PHF20: variants seen among roughly 807,000 people sequenced by gnomAD.
PHF20 encodes PHD finger protein 20.
A neutral mutation model predicts 113.5 loss-of-function variants in PHF20; 23 were observed. That is an observed-to-expected ratio of 0.20 (90% CI 0.15 to 0.29). The LOEUF (loss-of-function observed/expected upper bound fraction) is 0.29. PHF20 is among the 10% of genes least tolerant of loss of function. The pLI is 1.00. For missense variants in PHF20, 943 were observed against 1,219.6 expected (o/e 0.77, Z 3.38); for synonymous variants, 434 against 457.3 (o/e 0.95, Z 0.65).
At chr20:35,869,579 C>A in intron 7 of PHF20, 28 bp downstream of exon 7, 1 of 1,242,634 alleles carries the variant, frequency 8.0e-7, no homozygotes, top group Non-Finnish European at 1.2e-6. Context: ...TTATGTGTGG[C>A]TAGAATTTGA....
intron 9 of PHF20, among the ~76,000 whole-genome samples, chr20:35,873,466 G>GTTTTTT (rs759056358): frequency 9.7e-5 from 8 of 82,348 alleles, no homozygotes; most frequent in South Asian, 3.8e-4. Context: ...CTGTTTTTTT[G>GTTTTTT]TTTTTTTTTT....
chr20:35,886,341 G>C (rs898599435), intron 9 of PHF20, among the ~76,000 whole-genome samples: 4 of 151,732 alleles, frequency 2.6e-5, no homozygotes, highest in Admixed American at 6.6e-5. Flanking sequence ...GTCCAGGCTG[G>C]TCTTGAACTC....
intron 5 of PHF20, among the ~76,000 whole-genome samples, chr20:35,860,537 C>T (rs2054201440): frequency 6.6e-6 from 1 of 152,112 alleles, no homozygotes; most frequent in East Asian, 1.9e-4. Context: ...GCCACCATGC[C>T]CAGCCGATTC....
At chr20:35,803,650 T>C (rs2041826541) in intron 2 of PHF20, among the ~76,000 whole-genome samples, 2 of 151,478 alleles carry the variant, frequency 1.3e-5, no homozygotes, top group Admixed American at 6.6e-5. Context: ...GTATTATCTA[T>C]AATTAGTTCC....
chr20:35,783,298 T>G (rs1028697964), intron 1 of PHF20, among the ~76,000 whole-genome samples: 1 of 152,252 alleles, frequency 6.6e-6, no homozygotes, highest in Admixed American at 6.5e-5. Flanking sequence ...TTATTACTTT[T>G]GTTTTATTCC....
chr20:35,903,077 C>CCTTTCCTTTCCTTTCCTTTCT (rs1555799692), intron 10 of PHF20, among the ~76,000 whole-genome samples: 5 of 60,006 alleles, frequency 8.3e-5, no homozygotes, highest in African/African-American at 3.3e-4. Context: ...CCTATCCTTT[C>CCTTTCCTTTCCTTTCCTTTCT]TTTTTTTTTT....
intron 1 of PHF20, among the ~76,000 whole-genome samples, chr20:35,780,364 T>C: frequency 6.7e-6 from 1 of 150,260 alleles, no homozygotes; most frequent in Non-Finnish European, 1.5e-5. Context: ...TAGCTGGGAC[T>C]ACAGATGCCC....
chr20:35,772,904 C>T (rs1032993295), intron 1 of PHF20, among the ~76,000 whole-genome samples: 2 of 152,120 alleles, frequency 1.3e-5, no homozygotes, highest in African/African-American at 2.4e-5. Context: ...GAATTTCTTA[C>T]ATTTAGGGGC....
At chr20:35,842,020 A>G (rs1355954501) in intron 2 of PHF20, among the ~76,000 whole-genome samples, 1 of 152,104 alleles carries the variant, frequency 6.6e-6, no homozygotes, top group Non-Finnish European at 1.5e-5. Flanking sequence ...ACTTTACATG[A>G]GGGAACTCAG....
chr20:35,773,234 T>C (rs1321157830), intron 1 of PHF20, among the ~76,000 whole-genome samples: 2 of 152,156 alleles, frequency 1.3e-5, no homozygotes, highest in African/African-American at 4.8e-5. Flanking sequence ...GGGCACACCT[T>C]TTTGTGAGTC....
chr20:35,837,100 T>C (rs1041803447), intron 2 of PHF20, among the ~76,000 whole-genome samples: 1 of 152,016 alleles, frequency 6.6e-6, no homozygotes, highest in African/African-American at 2.4e-5. Context: ...CTGAGCCTGG[T>C]AGGTTGAGGC....
intron 17 of PHF20, among the ~76,000 whole-genome samples, chr20:35,946,577 A>G (rs2056087363): frequency 6.6e-6 from 1 of 151,930 alleles, no homozygotes; most frequent in Non-Finnish European, 1.5e-5. Flanking sequence ...TCAAGACCCT[A>G]TAGATTTTCA....
At chr20:35,914,716 A>G (rs2055369473) in intron 12 of PHF20, among the ~76,000 whole-genome samples, 2 of 152,010 alleles carry the variant, frequency 1.3e-5, no homozygotes, top group Non-Finnish European at 2.9e-5. Context: ...TGTAATCCCT[A>G]CACTTTGTGA....
At position 35,913,259 on chromosome 20, in the gene PHF20, C is replaced by A; in HGVS notation, c.1572C>A (p.Asp524Glu). 1 of 1,598,504 alleles carries A rather than the reference C, an allele frequency of 6.3e-7. No individual in the cohort carries two copies. Among genetic ancestry groups the A allele is most frequent in the Non-Finnish European group, 8.5e-7 (1 of 1,169,740 alleles). Residue 524 changes from aspartate (D) to glutamate (E), a missense_variant, in exon 11 of 18, where the codon GAC becomes GAA. Physicochemically the swap from Asp to Glu is conservative, Grantham distance 45. Transcript: ENST00000374012. ...TGTGTTTAATTCTAGCTACAAAAGA[C>A]AAGGAAAAGAATAAAGAGAAGAAAT... is the stretch of plus-strand genomic sequence containing the variant. ...RVSASSPTTK[D>E]KEKNKEKKFK... is the part of the protein sequence containing the mutation.
intron 6 of PHF20, among the ~76,000 whole-genome samples, chr20:35,869,050 C>T (rs761659857): frequency 2.0e-5 from 3 of 151,786 alleles, no homozygotes; most frequent in Non-Finnish European, 4.4e-5. Flanking sequence ...GAGATCGCGG[C>T]ACTGCACTCC....
rs2041609809 is a variant in PHF20, at chr20:35,793,895, G to GGGT, written c.-32-7594_-32-7592dup. On this transcript the variant is annotated intron_variant, in intron 1 of 17. Transcript: ENST00000374012. ...CGCCTGTAATCCCAGCTACTGGGGA[G>GGGT]GGTGAGGCAGGAGATGCTTGAACCT... 2.6e-5 allele frequency among the ~76,000 whole-genome samples: 4 copies of GGGT among 150,964 alleles called. No individual in the cohort carries two copies. The South Asian group carries it at 8.4e-4, about 32-fold the overall frequency.
intron 17 of PHF20, among the ~76,000 whole-genome samples, chr20:35,941,571 T>C (rs1600975672): frequency 1.3e-5 from 2 of 152,172 alleles, no homozygotes; most frequent in East Asian, 3.8e-4. Flanking sequence ...GCCTGGAGGA[T>C]CAAACCGGTG....
At chr20:35,870,731 C>T (rs2054406163) in intron 7 of PHF20, among the ~76,000 whole-genome samples, 1 of 152,146 alleles carries the variant, frequency 6.6e-6, no homozygotes, top group African/African-American at 2.4e-5. Context: ...CACATGTTTT[C>T]AGACCATGAA....
At chr20:35,794,658 G>A (rs796938539) in intron 1 of PHF20, among the ~76,000 whole-genome samples, 2 of 152,226 alleles carry the variant, frequency 1.3e-5, no homozygotes, top group African/African-American at 4.8e-5. Flanking sequence ...GAGTCCCAGA[G>A]ACTTTTTTCC....
Sources: gnomAD v4.1 joint callset for allele counts (sites outside exome capture counted in the v4.1 genomes callset) on GRCh38, gnomAD v4.1.1 for gene constraint, MANE v1.5 for transcripts, NCBI Gene and HGNC (gene_info 2026-07-23, HGNC 2026-07-21) for gene names.